The following FGF12 variants were observed in gnomAD, a reference collection of about 807,000 sequenced individuals.
FGF12 encodes the protein fibroblast growth factor 12, also known as fibroblast growth factor 12B.
Under a neutral mutation model 23.6 loss-of-function variants are expected in FGF12, and 14 were observed. The ratio of observed to expected loss-of-function variants is 0.59; its 90% CI spans 0.39 to 0.93. FGF12 has a LOEUF of 0.93. Among genes scored for constraint, FGF12 ranks in the 40% least tolerant of loss-of-function variants. FGF12 has a pLI of 0.00. For missense variants in FGF12, 175 were observed against 217.8 expected (o/e 0.80, Z 1.24); for synonymous variants, 62 against 77.3 (o/e 0.80, Z 1.04).
chr3:192,207,192 G>C (rs1032752053), intron 4 of FGF12, among the ~76,000 whole-genome samples: 3 of 152,156 alleles, frequency 2.0e-5, no homozygotes, highest in African/African-American at 7.2e-5. Context: ...TGTATTGAAA[G>C]TCCTTAATGA....
intron 2 of FGF12, among the ~76,000 whole-genome samples, chr3:192,662,734 G>A (rs180776861): frequency 1.8e-4 from 28 of 152,310 alleles, no homozygotes; most frequent in Admixed American, 5.2e-4. Context: ...TTTATGCTAA[G>A]TCTTTTTCTA....
At chr3:192,541,230 G>C (rs988960173) in intron 2 of FGF12, among the ~76,000 whole-genome samples, 3 of 151,888 alleles carry the variant, frequency 2.0e-5, no homozygotes, top group Admixed American at 2.0e-4. Flanking sequence ...CTTCCTTTTA[G>C]CAAGGGTGAT....
chr3:192,479,710 C>T (rs977106921), intron 2 of FGF12, among the ~76,000 whole-genome samples: 9 of 152,122 alleles, frequency 5.9e-5, no homozygotes, highest in African/African-American at 1.9e-4. Context: ...TTCATTTGGT[C>T]CATTTTAACT....
intron 4 of FGF12, among the ~76,000 whole-genome samples, chr3:192,225,946 G>A (rs1718710207): frequency 6.6e-6 from 1 of 152,158 alleles, no homozygotes; most frequent in African/African-American, 2.4e-5. Context: ...GCCAGGGGCT[G>A]GGGGAAGGAT....
At chr3:192,399,982 G>T (rs1560099775) in intron 2 of FGF12, among the ~76,000 whole-genome samples, 1 of 152,212 alleles carries the variant, frequency 6.6e-6, no homozygotes, top group Non-Finnish European at 1.5e-5. Flanking sequence ...CCAACCGGAG[G>T]ATCCTCAAGT....
intron 2 of FGF12, among the ~76,000 whole-genome samples, chr3:192,397,819 T>TA (rs1477993529): frequency 2.0e-5 from 3 of 152,176 alleles, no homozygotes; most frequent in Non-Finnish European, 4.4e-5. Context: ...TGGGCACTTA[T>TA]TTAAATTCTG....
chr3:192,148,378 A>T (rs1418777488), intron 5 of FGF12, among the ~76,000 whole-genome samples: 1 of 152,214 alleles, frequency 6.6e-6, no homozygotes, highest in Non-Finnish European at 1.5e-5. Context: ...TATTGATTCC[A>T]CTTATGTGAG....
At chr3:192,182,930 G>T (rs1312567868) in intron 4 of FGF12, among the ~76,000 whole-genome samples, 1 of 152,184 alleles carries the variant, frequency 6.6e-6, no homozygotes, top group Admixed American at 6.5e-5. Flanking sequence ...TACGGCCATG[G>T]GGAAGAAACA....
chr3:192,609,099 C>T (rs971592277), intron 2 of FGF12, among the ~76,000 whole-genome samples: 4 of 152,020 alleles, frequency 2.6e-5, no homozygotes, highest in African/African-American at 7.2e-5. Context: ...TTCTTAATGA[C>T]GGGGGTTCAA....
At chr3:192,404,646 C>A (rs1720890438) in intron 2 of FGF12, among the ~76,000 whole-genome samples, 1 of 152,186 alleles carries the variant, frequency 6.6e-6, no homozygotes, top group Non-Finnish European at 1.5e-5. Context: ...ACACTCTTTT[C>A]TCATTAGAAA....
intron 4 of FGF12, among the ~76,000 whole-genome samples, chr3:192,305,413 C>T (rs1321661480): frequency 2.0e-5 from 3 of 151,978 alleles, no homozygotes; most frequent in East Asian, 1.9e-4. Context: ...AAATACACGT[C>T]GAGCTGCCCT....
chr3:192,672,476 G>T lies in FGF12; in HGVS notation c.13+54705C>A, dbSNP rs969298885. Among the ~76,000 whole-genome samples, 2 of 150,566 alleles carry T rather than the reference G, an allele frequency of 1.3e-5. 1 individual carries two copies. Among genetic ancestry groups the T allele is most frequent in the South Asian group, 4.2e-4 (2 of 4,768 alleles). On this transcript the variant is annotated intron_variant, in intron 2 of 5. Transcript: ENST00000445105. ...CTACTTACCTCAAATTCCTGCACAC[G>T]TATTGCCGTGCAGCTTGGAAAGATG...
At chr3:192,478,622 A>G (rs920063492) in intron 2 of FGF12, among the ~76,000 whole-genome samples, 2 of 152,188 alleles carry the variant, frequency 1.3e-5, no homozygotes, top group Admixed American at 6.5e-5. Context: ...TTGATCATCT[A>G]TTAATCATTT....
chr3:192,507,635 CT>C (rs1377282936), intron 2 of FGF12, among the ~76,000 whole-genome samples: 2 of 152,142 alleles, frequency 1.3e-5, no homozygotes, highest in South Asian at 2.1e-4. Flanking sequence ...GCAACACCAA[CT>C]TTTCACTCTC....
chr3:192,617,809 G>T (rs74903720), intron 2 of FGF12, among the ~76,000 whole-genome samples: 1 of 152,030 alleles, frequency 6.6e-6, no homozygotes, highest in African/African-American at 2.4e-5. Flanking sequence ...AGTAGGAGAG[G>T]AAAAACTGGG....
At chr3:192,577,930 T>A (rs1319169087) in intron 2 of FGF12, among the ~76,000 whole-genome samples, 1 of 152,172 alleles carries the variant, frequency 6.6e-6, no homozygotes, top group African/African-American at 2.4e-5. Context: ...AAGAAAATGC[T>A]CTTTTTATGA....
intron 2 of FGF12, among the ~76,000 whole-genome samples, chr3:192,368,986 AC>A (rs1719107550): frequency 6.6e-6 from 1 of 152,106 alleles, no homozygotes; most frequent in African/African-American, 2.4e-5. Flanking sequence ...CTTCCCTGAC[AC>A]CCTGAGGCAA....
In FGF12 at chr3:192,523,976, C is replaced by A. The variant is rs569912489; in HGVS notation, c.14-163438G>T. ...AAAAGGATATGTATATGTGGAATGACTTCATTTGGGGTTTTAGGGAATAAA... is the reference window on the plus strand; with the variant it reads ...AAAAGGATATGTATATGTGGAATGAATTCATTTGGGGTTTTAGGGAATAAA... On this transcript the variant is annotated intron_variant, in intron 2 of 5. Transcript: ENST00000445105. Among the ~76,000 whole-genome samples, 9 of 152,158 alleles carry A rather than the reference C, an allele frequency of 5.9e-5. No individual in the cohort carries two copies. The South Asian group carries it at 1.9e-3, about 32-fold the overall frequency.
At chr3:192,523,302 A>T (rs1023101374) in intron 2 of FGF12, among the ~76,000 whole-genome samples, 6 of 152,226 alleles carry the variant, frequency 3.9e-5, no homozygotes, top group Non-Finnish European at 8.8e-5. Flanking sequence ...GATGATCATT[A>T]TCCTCTAGGA....
Sources: allele counts gnomAD v4.1 joint callset (sites outside exome capture counted in the v4.1 genomes callset), GRCh38; gene constraint gnomAD v4.1.1; transcripts MANE v1.5; gene names NCBI Gene and HGNC (gene_info 2026-07-23, HGNC 2026-07-21).